Variants in NLGN1 observed in about 807,000 individuals in gnomAD.
NLGN1 encodes the protein neuroligin 1, also known as neuroligin-1.
Under a neutral mutation model 65.5 loss-of-function variants are expected in NLGN1, and 12 were observed. That is an observed-to-expected ratio of 0.18 (90% CI 0.12 to 0.30). NLGN1 has a LOEUF of 0.30. Ranked by LOEUF, NLGN1 falls within the 10% of genes least tolerant of loss-of-function variation. The pLI, the probability that NLGN1 is intolerant of heterozygous loss-of-function variation, is 1.00. For synonymous variants in NLGN1, 350 were observed against 359.5 expected (o/e 0.97, Z 0.30); for missense variants, 750 against 1,007.1 (o/e 0.74, Z 3.46).
chr3:174,033,529 CTG>C (rs1412922952), intron 4 of NLGN1, among the ~76,000 whole-genome samples: 2 of 123,660 alleles, frequency 1.6e-5, no homozygotes, highest in East Asian at 5.5e-4. Flanking sequence ...TTTAAAATAA[CTG>C]TGATTCATGT....
intron 4 of NLGN1, among the ~76,000 whole-genome samples, chr3:174,073,727 C>A (rs1175661268): frequency 2.6e-5 from 4 of 152,132 alleles, no homozygotes; most frequent in Admixed American, 2.6e-4. Flanking sequence ...ACCAAAACTT[C>A]TGGAATATGA....
intron 4 of NLGN1, among the ~76,000 whole-genome samples, chr3:174,067,219 AATTTGATTAATCTACCTCTC>A (rs1386428382): frequency 1.9e-4 from 29 of 152,282 alleles, no homozygotes; most frequent in African/African-American, 6.5e-4. Context: ...GACTGAAATA[AATTTGATTAATCTACCTCTC>A]TACCTCCAAA....
At chr3:174,097,571 C>T (rs1192712266) in intron 4 of NLGN1, among the ~76,000 whole-genome samples, 1 of 152,100 alleles carries the variant, frequency 6.6e-6, no homozygotes, top group African/African-American at 2.4e-5. Flanking sequence ...ACTCACTCAA[C>T]CTTTTGAATC....
intron 3 of NLGN1, among the ~76,000 whole-genome samples, chr3:173,646,834 A>C (rs1191092820): frequency 6.6e-6 from 1 of 152,212 alleles, no homozygotes; most frequent in Non-Finnish European, 1.5e-5. Flanking sequence ...GTCAAATTTA[A>C]CCATATCAAT....
At chr3:174,224,516 C>T (rs751847585) in intron 4 of NLGN1, among the ~76,000 whole-genome samples, 6 of 152,084 alleles carry the variant, frequency 3.9e-5, no homozygotes, top group Non-Finnish European at 5.9e-5. Flanking sequence ...CTGACCAACA[C>T]GGTGAACCCC....
chr3:173,776,397 T>A (rs1780302196), intron 3 of NLGN1, among the ~76,000 whole-genome samples: 1 of 152,044 alleles, frequency 6.6e-6, no homozygotes, highest in Non-Finnish European at 1.5e-5. Flanking sequence ...TGTTGCAGCT[T>A]TGTTCCTCTC....
At chr3:173,645,053 A>G (rs1292125122) in intron 3 of NLGN1, among the ~76,000 whole-genome samples, 1 of 152,162 alleles carries the variant, frequency 6.6e-6, no homozygotes, top group Non-Finnish European at 1.5e-5. Flanking sequence ...TGGCTAAGGG[A>G]CATTGAGAAT....
chr3:173,838,825 A>G (rs1463475266), intron 4 of NLGN1, among the ~76,000 whole-genome samples: 6 of 152,188 alleles, frequency 3.9e-5, no homozygotes, highest in Non-Finnish European at 8.8e-5. Flanking sequence ...AATTGTCTCT[A>G]TGTTTGGATC....
chr3:174,264,714 C>T (rs1246227781), intron 4 of NLGN1, among the ~76,000 whole-genome samples: 2 of 151,960 alleles, frequency 1.3e-5, no homozygotes, highest in South Asian at 2.1e-4. Flanking sequence ...AGCTTTGTTC[C>T]GTTGCTGGTG....
chr3:174,139,385 G>C (rs1406147900), intron 4 of NLGN1, among the ~76,000 whole-genome samples: 1 of 151,912 alleles, frequency 6.6e-6, no homozygotes, highest in African/African-American at 2.4e-5. Context: ...TTTTCTGATT[G>C]TCATATTTAA....
chr3:173,605,062 A>G (rs1751160250), exon 3 of NLGN1: 1 of 1,612,580 alleles, frequency 6.2e-7, no homozygotes, highest in Non-Finnish European at 8.5e-7. Flanking sequence ...GACTGCCTAT[A>G]TTTAAATATA....
chr3:173,783,654 G>A (rs149303212), intron 3 of NLGN1, among the ~76,000 whole-genome samples: 110 of 152,104 alleles, frequency 7.2e-4, no homozygotes, highest in African/African-American at 2.4e-3. Flanking sequence ...TTGCTCTGTC[G>A]CCTAGGCTGG....
chr3:173,446,334 C>T (rs1196091637), intron 2 of NLGN1, among the ~76,000 whole-genome samples: 1 of 151,386 alleles, frequency 6.6e-6, no homozygotes, highest in African/African-American at 2.4e-5. Context: ...TTTGTCCTTG[C>T]AATAGTTTGC....
intron 4 of NLGN1, among the ~76,000 whole-genome samples, chr3:173,889,140 A>G (rs1341136043): frequency 6.6e-6 from 1 of 152,116 alleles, no homozygotes; most frequent in East Asian, 1.9e-4. Flanking sequence ...GTTATTTCTC[A>G]TCCGAAGTCA....
At chr3:173,455,573 A>G (rs943514442) in intron 2 of NLGN1, among the ~76,000 whole-genome samples, 1 of 152,188 alleles carries the variant, frequency 6.6e-6, no homozygotes, top group Non-Finnish European at 1.5e-5. Flanking sequence ...GGAAGTGAGC[A>G]GATGCTGTTG....
chr3:174,025,867 T>A (rs2152464348), intron 4 of NLGN1, among the ~76,000 whole-genome samples: 1 of 152,306 alleles, frequency 6.6e-6, no homozygotes, highest in African/African-American at 2.4e-5. Context: ...GTAAAATTCT[T>A]ATATTCACCA....
At chr3:173,950,463 G>A (rs1747976810) in intron 4 of NLGN1, among the ~76,000 whole-genome samples, 1 of 152,168 alleles carries the variant, frequency 6.6e-6, no homozygotes, top group Non-Finnish European at 1.5e-5. Flanking sequence ...AAATACGTAT[G>A]TTTATGTGCA....
rs1015523982 is a variant in NLGN1 at position 173,531,982 on chromosome 3, A to T, written c.-320-72297A>T. 5.3e-5 allele frequency among the ~76,000 whole-genome samples: 8 copies of T among 152,048 alleles called. No homozygotes were observed. In the East Asian group the frequency reaches 1.5e-3, roughly 29 times the overall value. On this transcript the variant is annotated intron_variant, in intron 2 of 6. Transcript: ENST00000457714. Reference sequence around the variant, plus strand: ...TTCTATTTTATAGAAGTGCATTTCAACTCCTACTATTACTATTGCCTTTCA... The same window carrying T: ...TTCTATTTTATAGAAGTGCATTTCATCTCCTACTATTACTATTGCCTTTCA...
intron 3 of NLGN1, among the ~76,000 whole-genome samples, chr3:173,623,940 G>C (rs1219617979): frequency 1.3e-5 from 2 of 152,188 alleles, no homozygotes; most frequent in East Asian, 1.9e-4. Flanking sequence ...GGCCCCAAAA[G>C]ATAGGCAATA....
Sources: gnomAD v4.1 joint callset for allele counts (sites outside exome capture counted in the v4.1 genomes callset) on GRCh38, gnomAD v4.1.1 for gene constraint, MANE v1.5 for transcripts, NCBI Gene and HGNC (gene_info 2026-07-23, HGNC 2026-07-21) for gene names.